RGS6: variants seen among roughly 807,000 people sequenced by gnomAD.
The protein encoded by RGS6 is regulator of G protein signaling 6.
RGS6 carries 30 observed loss-of-function variants against 78.5 expected under a neutral mutation model. The observed-to-expected ratio is 0.38, with a 90% CI of 0.29 to 0.52. RGS6 has a LOEUF of 0.52. Among genes scored for constraint, RGS6 ranks in the 20% least tolerant of loss-of-function variants. The pLI is 0.85. For synonymous variants in RGS6, 206 were observed against 206.0 expected (o/e 1.00, Z 0.00); for missense variants, 495 against 609.7 (o/e 0.81, Z 1.98).
At chr14:72,045,854 G>A (rs754824230) in intron 2 of RGS6, among the ~76,000 whole-genome samples, 2 of 151,968 alleles carry the variant, frequency 1.3e-5, no homozygotes, top group Non-Finnish European at 2.9e-5. Flanking sequence ...AAACTCCTCT[G>A]GGCATATTTC....
At chr14:72,478,392 G>T in intron 12 of RGS6, 63 bp downstream of exon 12, 1 of 1,195,922 alleles carries the variant, frequency 8.4e-7, no homozygotes. Flanking sequence ...AATGTTACAG[G>T]GTTATGGTTA....
chr14:72,023,994 G>C (rs544782466), intron 2 of RGS6, among the ~76,000 whole-genome samples: 2 of 152,208 alleles, frequency 1.3e-5, no homozygotes, highest in Non-Finnish European at 1.5e-5. Context: ...AGAAGTGCTC[G>C]CGACAATGAG....
intron 14 of RGS6, among the ~76,000 whole-genome samples, chr14:72,514,848 G>A (rs1255094819): frequency 6.6e-6 from 1 of 152,170 alleles, no homozygotes; most frequent in Non-Finnish European, 1.5e-5. Flanking sequence ...TTTTTTATAA[G>A]AGCAGAAGCT....
intron 17 of RGS6, among the ~76,000 whole-genome samples, chr14:72,544,271 T>G (rs2097363644): frequency 6.6e-6 from 1 of 152,144 alleles, no homozygotes; most frequent in Admixed American, 6.5e-5. Context: ...GAGAAAGTCC[T>G]TTGCTCCTCT....
At chr14:72,194,018 G>A (rs1258722357) in intron 2 of RGS6, among the ~76,000 whole-genome samples, 1 of 152,182 alleles carries the variant, frequency 6.6e-6, no homozygotes, top group Non-Finnish European at 1.5e-5. Flanking sequence ...CATGTGCAAT[G>A]AATGGAGTTG....
chr14:72,012,376 T>A (rs1193360218), intron 2 of RGS6, among the ~76,000 whole-genome samples: 1 of 152,230 alleles, frequency 6.6e-6, no homozygotes, highest in Admixed American at 6.5e-5. Context: ...TTTGTAAAAC[T>A]TTTATACCTT....
intron 2 of RGS6, among the ~76,000 whole-genome samples, chr14:72,160,801 C>G (rs1020442483): frequency 2.6e-5 from 4 of 152,192 alleles, no homozygotes; most frequent in African/African-American, 7.2e-5. Flanking sequence ...GAACTTCCAG[C>G]CCTCCAGGAC....
chr14:72,495,104 T>G, intron 12 of RGS6, 48 bp from the exon 13 acceptor site: 1 of 1,093,698 alleles, frequency 9.1e-7, no homozygotes, highest in African/African-American at 1.5e-5. Flanking sequence ...AATAAAGGGG[T>G]TTTCTAAGGA....
chr14:72,192,073 C>T (rs929762233), intron 2 of RGS6, among the ~76,000 whole-genome samples: 4 of 152,194 alleles, frequency 2.6e-5, no homozygotes, highest in Admixed American at 1.3e-4. Context: ...TGATTATAAG[C>T]TCCATGAGGG....
chr14:71,990,436 A>G (rs1172340197), intron 2 of RGS6: 1 of 362,984 alleles, frequency 2.8e-6, no homozygotes, highest in Non-Finnish European at 5.5e-6. Context: ...TGGGAAACAC[A>G]TCTTCCAAGG....
In RGS6 at chr14:71,936,101, TATG is replaced by T. The variant is rs1369118009; in HGVS notation, c.-21+3163_-21+3165del. 2.7e-5 allele frequency among the ~76,000 whole-genome samples: 4 copies of T among 148,356 alleles called. No homozygotes were observed. In the East Asian group the frequency reaches 7.8e-4, roughly 29 times the overall value. Reference sequence around the variant, plus strand: ...ATATGCTATACATGATATATATACATATGATATATGTACATATACCATATATCT... The same window carrying T: ...ATATGCTATACATGATATATATACATATATATGTACATATACCATATATCT... On this transcript the variant is annotated intron_variant, in intron 1 of 17. Transcript: ENST00000553525.
chr14:72,529,470 G>A (rs559779890), intron 15 of RGS6, among the ~76,000 whole-genome samples: 131 of 152,256 alleles, frequency 8.6e-4, no homozygotes, highest in Non-Finnish European at 1.5e-3. Flanking sequence ...TCCTCACCTT[G>A]GTATCTGGCT....
chr14:71,989,503 TA>T (rs983550947), intron 2 of RGS6, among the ~76,000 whole-genome samples: 7 of 152,248 alleles, frequency 4.6e-5, no homozygotes, highest in African/African-American at 1.7e-4. Flanking sequence ...GTTATATTTG[TA>T]AAAGGCCTGT....
the RGS6 span, among the ~76,000 whole-genome samples, chr14:71,873,840 C>T: frequency 1.3e-5 from 2 of 152,110 alleles, no homozygotes; most frequent in East Asian, 1.9e-4. Flanking sequence ...GAAGGGATCC[C>T]GTTTCAGCTT....
At chr14:71,936,016 A>ATATATATATATATATG (rs1491327054) in intron 1 of RGS6, among the ~76,000 whole-genome samples, 5 of 22,860 alleles carry the variant, frequency 2.2e-4, no homozygotes, top group African/African-American at 1.1e-3. Flanking sequence ...AACTAATAGG[A>ATATATATATATATATG]TATATATATA....
intron 6 of RGS6, 105 bp downstream of exon 6, chr14:72,459,788 G>A: frequency 8.7e-7 from 1 of 1,145,408 alleles, no homozygotes; most frequent in Non-Finnish European, 1.3e-6. Flanking sequence ...ACATGGGGAG[G>A]AGGGTCCTTT....
At chr14:72,104,424 A>G (rs1034721738) in intron 2 of RGS6, among the ~76,000 whole-genome samples, 7 of 152,248 alleles carry the variant, frequency 4.6e-5, no homozygotes, top group African/African-American at 1.7e-4. Context: ...AAAGCTATGT[A>G]TAAACTAATT....
intron 1 of RGS6, among the ~76,000 whole-genome samples, chr14:71,946,771 C>T (rs2091585500): frequency 6.6e-6 from 1 of 152,062 alleles, no homozygotes; most frequent in Non-Finnish European, 1.5e-5. Flanking sequence ...TGATCAAATG[C>T]AAGGAATGTG....
intron 2 of RGS6, among the ~76,000 whole-genome samples, chr14:71,996,178 G>A (rs1488129528): frequency 6.7e-6 from 1 of 149,978 alleles, no homozygotes; most frequent in African/African-American, 2.4e-5. Flanking sequence ...TTGTGATTTG[G>A]GACACTGACA....
Sources: allele counts gnomAD v4.1 joint callset (sites outside exome capture counted in the v4.1 genomes callset), GRCh38; gene constraint gnomAD v4.1.1; transcripts MANE v1.5; gene names NCBI Gene and HGNC (gene_info 2026-07-23, HGNC 2026-07-21).